RGSL1: variants seen among roughly 807,000 people sequenced by gnomAD.
The protein encoded by RGSL1 is regulator of G protein signaling like 1.
In RGSL1, 97 loss-of-function variants were observed where a neutral mutation model predicts 124.7. The observed-to-expected ratio is 0.78, with a 90% CI of 0.66 to 0.92. RGSL1 has a LOEUF of 0.92. Among genes scored for constraint, RGSL1 ranks in the 40% least tolerant of loss-of-function variants. The pLI, the probability that RGSL1 is intolerant of heterozygous loss-of-function variation, is 0.00. For missense variants in RGSL1, 1,233 were observed against 1,288.4 expected (o/e 0.96, Z 0.66); for synonymous variants, 424 against 438.1 (o/e 0.97, Z 0.40).
At position 182,459,704 on chromosome 1, in the gene RGSL1, G is replaced by A. The variant is rs75445036; in HGVS notation, c.172-300G>A. Among the ~76,000 whole-genome samples, 840 of 152,286 alleles carry A rather than the reference G, an allele frequency of 5.5e-3. 9 individuals carry two copies. Among genetic ancestry groups the A allele is most frequent in the African/African-American group, 0.019 (795 of 41,564 alleles). ...CTTTTCTGCTTTTCTTCTGTCAAGC[G>A]AGACTTAGATTTTTTCTTTAACAAC... On this transcript the variant is annotated intron_variant, in intron 3 of 21. Coordinates refer to ENST00000294854, the MANE Select transcript of RGSL1 (RefSeq NM_001137669.2).
rs562482266 is a variant in RGSL1, at chr1:182,524,389, CAGTGCA to C, written c.1931+2285_1931+2290del. Among the ~76,000 whole-genome samples, 972 of 152,108 alleles carry C rather than the reference CAGTGCA, an allele frequency of 6.4e-3. 11 individuals are homozygous for C. The highest frequency in any genetic ancestry group is 0.022 in the African/African-American group (906 of 41,488). On this transcript the variant is annotated intron_variant, in intron 10 of 21. Transcript: ENST00000294854. ...GCAAATGATAAAGATCTGAGGTAAACAGTGCAAGTGGAAGTGGAAGGGAAAATACAG... is the reference window on the plus strand; with the variant it reads ...GCAAATGATAAAGATCTGAGGTAAACAGTGGAAGTGGAAGGGAAAATACAG...
At chr1:182,534,013 G>A (rs1289078501) in intron 14 of RGSL1, among the ~76,000 whole-genome samples, 1 of 152,100 alleles carries the variant, frequency 6.6e-6, no homozygotes, top group Non-Finnish European at 1.5e-5. Flanking sequence ...AATGAGATGG[G>A]GCAAATGCTT....
At chr1:182,457,143 T>A (rs1023045486) in intron 2 of RGSL1, among the ~76,000 whole-genome samples, 7 of 143,912 alleles carry the variant, frequency 4.9e-5, no homozygotes, top group African/African-American at 1.8e-4. Flanking sequence ...CCAGACTCCA[T>A]CTCAAAAACA....
At chr1:182,536,478 A>C (rs1166496468) in intron 14 of RGSL1, among the ~76,000 whole-genome samples, 3 of 152,212 alleles carry the variant, frequency 2.0e-5, no homozygotes, top group African/African-American at 7.2e-5. Context: ...CTGTCTTTTT[A>C]ATTTTAGCCA....
intron 11 of RGSL1, among the ~76,000 whole-genome samples, chr1:182,529,586 A>G (rs145823923): frequency 4.6e-4 from 70 of 152,356 alleles, no homozygotes; most frequent in African/African-American, 1.6e-3. Context: ...GTTTTGTCAC[A>G]GATGGTATTT....
intron 2 of RGSL1, among the ~76,000 whole-genome samples, chr1:182,455,204 G>T (rs1010648667): frequency 5.3e-5 from 8 of 152,176 alleles, no homozygotes. Context: ...GTCAGGAAAA[G>T]CTGACACAAG....
intron 7 of RGSL1, 177 bp from the exon 8 acceptor site, chr1:182,488,803 T>C: frequency 2.0e-6 from 1 of 495,860 alleles, no homozygotes; most frequent in Non-Finnish European, 3.5e-6. Flanking sequence ...AGAAAATGAG[T>C]TTGATTAGAA....
intron 6 of RGSL1, among the ~76,000 whole-genome samples, chr1:182,483,120 G>C (rs936623831): frequency 4.1e-4 from 63 of 152,186 alleles, no homozygotes; most frequent in Non-Finnish European, 7.8e-4. Flanking sequence ...CTTCAGGGAG[G>C]TGTTGATCAA....
At chr1:182,524,927 C>T (rs1346936560) in intron 10 of RGSL1, among the ~76,000 whole-genome samples, 1 of 151,960 alleles carries the variant, frequency 6.6e-6, no homozygotes, top group Non-Finnish European at 1.5e-5. Flanking sequence ...CAAGAGAGAC[C>T]GAAGAGGAAC....
intron 10 of RGSL1, among the ~76,000 whole-genome samples, chr1:182,522,916 A>G (rs1463698761): frequency 6.6e-6 from 1 of 152,202 alleles, no homozygotes. Flanking sequence ...ATGGCTAGCT[A>G]TATAAAAGGT....
chr1:182,548,535 A>G (rs754029787), intron 16 of RGSL1, 80 bp downstream of exon 16: 34 of 1,532,328 alleles, frequency 2.2e-5, no homozygotes, highest in Non-Finnish European at 2.8e-5. Flanking sequence ...GCTAATTGTC[A>G]GGCACCTCAT....
At chr1:182,460,297 A>T (rs1652713846) in intron 4 of RGSL1, among the ~76,000 whole-genome samples, 164 bp downstream of exon 4, 1 of 152,118 alleles carries the variant, frequency 6.6e-6, no homozygotes, top group Non-Finnish European at 1.5e-5. Flanking sequence ...TGTCAGTACT[A>T]TAGTAAGGTA....
Position 182,452,456 on chromosome 1 carries a change from C to CT in RGSL1, c.14-1488dup, listed in dbSNP as rs1210477540. 4.4e-3 allele frequency among the ~76,000 whole-genome samples: 623 copies of CT among 142,184 alleles called. 2 individuals are homozygous for CT. Among genetic ancestry groups the CT allele is most frequent in the South Asian group, 0.028 (123 of 4,404 alleles). The allele number at this position is 142,184 out of a possible 152,430, so 93.3% of individuals were successfully genotyped here. Reference sequence around the variant, plus strand: ...TCACAATAGTGTTTATCTGGGTTTCCTTTTTTTTTTTTTTGAGACAGAGTC... The same window carrying CT: ...TCACAATAGTGTTTATCTGGGTTTCCTTTTTTTTTTTTTTTGAGACAGAGTC... On this transcript the variant is annotated intron_variant, in intron 1 of 21. Transcript: ENST00000294854.
intron 1 of RGSL1, chr1:182,450,418 A>G: frequency 1.8e-6 from 1 of 571,310 alleles, no homozygotes; most frequent in East Asian, 2.9e-5. Flanking sequence ...AGAGGGAGGA[A>G]GTAAAATGTG....
intron 14 of RGSL1, among the ~76,000 whole-genome samples, chr1:182,533,313 T>TTG (rs1659317392): frequency 6.7e-6 from 1 of 149,134 alleles, no homozygotes; most frequent in African/African-American, 2.5e-5. Flanking sequence ...TTTTTTTTTT[T>TTG]GTTCAACAAT....
chr1:182,532,084 T>A (rs1224340298), intron 13 of RGSL1, among the ~76,000 whole-genome samples: 2 of 152,180 alleles, frequency 1.3e-5, no homozygotes, highest in Admixed American at 1.3e-4. Context: ...AACAAGAGTC[T>A]TTCTGGCTCT....
In RGSL1 at chr1:182,548,422, C is replaced by T. The variant is rs1571711083; in HGVS notation, c.2775C>T (p.Leu925=). The T allele has an allele frequency of 1.9e-6, 3 of 1,551,708 alleles. No individual in the cohort carries two copies. Among genetic ancestry groups the T allele is most frequent in the East Asian group, 4.9e-5 (2 of 40,920 alleles). ...MRSKMNIIQK[L]FLNSDIPPKL... is the part of the protein sequence containing the mutation. ...CCAAAATGAACATTATCCAAAAACT[C>T]TTCCTGAATTCTGACATCCCTCCAA... Residue 925 remains leucine, a synonymous_variant, in exon 16 of 22, where the codon CTC becomes CTT. Transcript: ENST00000294854.
intron 18 of RGSL1, among the ~76,000 whole-genome samples, chr1:182,552,171 G>T (rs1476398727): frequency 6.6e-6 from 1 of 151,836 alleles, no homozygotes; most frequent in African/African-American, 2.4e-5. Context: ...TGGAGTGCAG[G>T]GGCGCAATCT....
chr1:182,540,383 T>C lies in RGSL1; in HGVS notation c.2631T>C (p.Phe877=), dbSNP rs1558413391. The part of the protein sequence containing the change: ...IFGHRIITVN[F]AINDLYFFSE... ...GCCACAGGATTATCACTGTCAACTT[T>C]GCGATCAATGATCTATATTTCTTTT... The change falls in exon 15 of 22, where the codon TTT becomes TTC. Residue 877 remains phenylalanine, a synonymous_variant. Transcript: ENST00000294854. 6.4e-7 allele frequency: 1 copy of C among 1,551,142 alleles called. No individual in the cohort carries two copies. The highest frequency in any genetic ancestry group is 2.4e-5 in the East Asian group (1 of 40,918).
Sources: gnomAD v4.1 joint callset for allele counts (sites outside exome capture counted in the v4.1 genomes callset) on GRCh38, gnomAD v4.1.1 for gene constraint, MANE v1.5 for transcripts, NCBI Gene and HGNC (gene_info 2026-07-23, HGNC 2026-07-21) for gene names.